Variants in STIL observed in about 807,000 individuals in gnomAD.
STIL encodes the protein SCL-interrupting locus protein.
A neutral mutation model predicts 110.1 loss-of-function variants in STIL; 55 were observed. The ratio of observed to expected loss-of-function variants is 0.50; its 90% CI spans 0.40 to 0.63. The LOEUF is 0.63. Ranked by LOEUF, STIL falls within the 20% of genes least tolerant of loss-of-function variation. The pLI is 0.00. For missense variants in STIL, 1,358 were observed against 1,530.0 expected, an observed-to-expected ratio of 0.89 and a Z score of 1.87; for synonymous variants, 481 against 530.0, an observed-to-expected ratio of 0.91 and a Z score of 1.27.
rs577153656 is a variant in STIL, at chr1:47,310,321, A to T, written c.-2T>A. On this transcript the variant is annotated 5_prime_UTR_variant, in exon 2 of 17. Coordinates refer to ENST00000371877, the MANE Select transcript of STIL (RefSeq NM_001048166.1). ...TGCAAAAGGATATATAGGCTCCATG[A>T]TGTCTGGTGAATGATTTCTTTAATT... 6.2e-7 allele frequency: 1 copy of T among 1,612,734 alleles called. No homozygotes were observed. The highest frequency in any genetic ancestry group is 1.3e-5 in the African/African-American group (1 of 75,034).
intron 16 of STIL, among the ~76,000 whole-genome samples, chr1:47,258,144 T>C (rs1199938795): frequency 6.6e-6 from 1 of 152,168 alleles, no homozygotes; most frequent in Non-Finnish European, 1.5e-5. Flanking sequence ...ACGTGACAAG[T>C]TGGTTCTCAG....
intron 9 of STIL, 96 bp from the exon 10 acceptor site, chr1:47,287,756 G>A (rs1200698576): frequency 2.1e-6 from 2 of 930,650 alleles, no homozygotes; most frequent in East Asian, 2.6e-5. Context: ...ACTAGATGAT[G>A]GAGTGGCAGA....
At chr1:47,286,143 A>G (rs3125638) in intron 10 of STIL, among the ~76,000 whole-genome samples, 87,209 of 151,710 alleles carry the variant, frequency 0.57, 27,173 homozygotes, top group African/African-American at 0.83. Flanking sequence ...CCAAAGTGCT[A>G]GGATTACAGG....
intron 2 of STIL, 107 bp downstream of exon 2, chr1:47,310,169 C>G (rs1335821110): frequency 2.7e-6 from 3 of 1,116,656 alleles, no homozygotes; most frequent in Admixed American, 2.0e-5. Context: ...GGATATGAAC[C>G]CAGAATTTCC....
At chr1:47,307,351 G>A (rs904045772) in intron 2 of STIL, among the ~76,000 whole-genome samples, 7 of 152,236 alleles carry the variant, frequency 4.6e-5, no homozygotes, top group East Asian at 1.9e-4. Context: ...TGGAGGGACC[G>A]GCCGAAGCCA....
intron 2 of STIL, among the ~76,000 whole-genome samples, chr1:47,306,696 A>G (rs1232347204): frequency 2.0e-5 from 3 of 152,246 alleles, no homozygotes; most frequent in African/African-American, 4.8e-5. Context: ...ATACAGCACA[A>G]GTTTAATTAT....
chr1:47,311,282 TC>T (rs1646117150), intron 1 of STIL, among the ~76,000 whole-genome samples: 1 of 138,598 alleles, frequency 7.2e-6, no homozygotes, highest in East Asian at 2.0e-4. Flanking sequence ...TTTCTTTTTT[TC>T]TTTTTTTTTT....
chr1:47,266,758 C>G (rs1557716330), intron 14 of STIL, among the ~76,000 whole-genome samples: 1 of 152,204 alleles, frequency 6.6e-6, no homozygotes, highest in African/African-American at 2.4e-5. Flanking sequence ...CAGTTAGTAT[C>G]TTAACTTCCA....
intron 3 of STIL, among the ~76,000 whole-genome samples, chr1:47,304,223 T>G (rs1316166033): frequency 1.3e-5 from 2 of 151,964 alleles, no homozygotes; most frequent in Non-Finnish European, 2.9e-5. Flanking sequence ...CTCACTTTGT[T>G]GCCCAGGCTG....
chr1:47,281,359 G>C lies in STIL; in HGVS notation c.1249-150C>G. On this transcript the variant is annotated intron_variant, in intron 11 of 16. Coordinates refer to ENST00000371877, the MANE Select transcript of STIL (RefSeq NM_001048166.1). Reference sequence around the variant, plus strand: ...TTAGACCATCAGTTAATTTTTTCTGGGCATGTTTTATGTGCTAAGCACTAG... The same window carrying C: ...TTAGACCATCAGTTAATTTTTTCTGCGCATGTTTTATGTGCTAAGCACTAG... The C allele has an allele frequency of 4.5e-6, 4 of 881,606 alleles. No individual in the cohort carries two copies. In the Admixed American group the frequency reaches 1.2e-4, roughly 26 times the overall value. The allele number at this position is 881,606 out of a possible 1,614,324, so 54.6% of individuals were successfully genotyped here.
chr1:47,276,089 G>C (rs912549325), intron 12 of STIL, among the ~76,000 whole-genome samples: 2 of 150,730 alleles, frequency 1.3e-5, no homozygotes, highest in Admixed American at 1.3e-4. Context: ...TGCAATTTCC[G>C]CCTCTGAGGT....
chr1:47,252,949 G>A (rs184874062), intron 16 of STIL, among the ~76,000 whole-genome samples: 1 of 151,906 alleles, frequency 6.6e-6, no homozygotes, highest in East Asian at 1.9e-4. Context: ...TGGAGACAGG[G>A]TCTTGCTCTG....
chr1:47,301,609 T>C lies in STIL; in HGVS notation c.405A>G (p.Ser135=), dbSNP rs940499458. The C allele has an allele frequency of 1.9e-6, 3 of 1,613,892 alleles. No individual in the cohort carries two copies. The African/African-American group carries it at 4.0e-5, about 22-fold the overall frequency. ...CTACACTGTGAACTATCATTTCTCT[T>C]GAACAAAGTTCTTGAGTATGAACTT... ...PCKVHTQELC[S]REMIVHSVDD... is the part of the protein sequence containing the mutation. The change falls in exon 5 of 17, where the codon TCA becomes TCG. Residue 135 remains serine, a synonymous_variant. Coordinates refer to ENST00000371877, the MANE Select transcript of STIL (RefSeq NM_001048166.1).
At chr1:47,271,425 AG>A (rs925729705) in intron 13 of STIL, among the ~76,000 whole-genome samples, 1 of 151,940 alleles carries the variant, frequency 6.6e-6, no homozygotes, top group Middle Eastern at 3.2e-3. Flanking sequence ...TACAAAAATT[AG>A]CCAGGTGTGG....
chr1:47,287,466 A>G (rs1645336408), intron 10 of STIL, 85 bp downstream of exon 10: 2 of 856,782 alleles, frequency 2.3e-6, no homozygotes, highest in African/African-American at 1.7e-5. Flanking sequence ...ATTTCATCAG[A>G]AATAATTTAG....
rs748226209 is a variant in STIL, at chr1:47,251,688, T to C, written c.3315A>G (p.Thr1105=). Residue 1105 remains threonine (T), a synonymous_variant, in exon 17 of 17, where the codon ACA becomes ACG. Transcript: ENST00000371877. ...SLLHINTDRS[T]VGLSLISPNN... ...TTGGTGAAATTAAACTAAGCCCCACTGTGCTTCTGTCTGTATTAATATGGA... is the reference window on the plus strand; with the variant it reads ...TTGGTGAAATTAAACTAAGCCCCACCGTGCTTCTGTCTGTATTAATATGGA... 1.2e-6 allele frequency: 2 copies of C among 1,614,228 alleles called. No homozygotes were observed. Among genetic ancestry groups the C allele is most frequent in the Non-Finnish European group, 1.7e-6 (2 of 1,180,036 alleles).
At chr1:47,293,802 C>T (rs944047537) in intron 7 of STIL, among the ~76,000 whole-genome samples, 5 of 151,982 alleles carry the variant, frequency 3.3e-5, no homozygotes, top group South Asian at 2.1e-4. Flanking sequence ...AGAGCAAGCA[C>T]GCGTATCTCT....
chr1:47,270,465 T>G (rs1418109884), intron 13 of STIL, among the ~76,000 whole-genome samples: 3 of 151,778 alleles, frequency 2.0e-5, no homozygotes, highest in Non-Finnish European at 2.9e-5. Context: ...ATATTAAGAT[T>G]CTGAATATGA....
At chr1:47,314,729 ATTT>A (rs34330805), upstream of STIL, among the ~76,000 whole-genome samples, 1 of 145,836 alleles carries the variant, frequency 6.9e-6, no homozygotes, top group Admixed American at 6.8e-5. Flanking sequence ...TAGTGACATA[ATTT>A]TTTTTTTTTT....
Sources: gnomAD v4.1 joint callset for allele counts (sites outside exome capture counted in the v4.1 genomes callset) on GRCh38, gnomAD v4.1.1 for gene constraint, MANE v1.5 for transcripts, NCBI Gene and HGNC (gene_info 2026-07-23, HGNC 2026-07-21) for gene names.